The following CC2D2B variants were observed in gnomAD, a reference collection of about 807,000 sequenced individuals.
CC2D2B encodes the protein protein CC2D2B.
In CC2D2B, 128 loss-of-function variants were observed where a neutral mutation model predicts 161.2. That is an observed-to-expected ratio of 0.79 (90% CI 0.69 to 0.92). CC2D2B has a LOEUF of 0.92. Among genes scored for constraint, CC2D2B ranks in the 40% least tolerant of loss-of-function variants. The pLI is 0.00. For missense variants in CC2D2B, 1,173 were observed against 1,375.1 expected, an observed-to-expected ratio of 0.85 and a Z score of 2.32; for synonymous variants, 391 against 449.8, an observed-to-expected ratio of 0.87 and a Z score of 1.65.
At chr10:95,946,880 A>G (rs2141319146) in intron 9 of CC2D2B, among the ~76,000 whole-genome samples, 1 of 151,630 alleles carries the variant, frequency 6.6e-6, no homozygotes, top group East Asian at 1.9e-4. Context: ...ATTACACCAG[A>G]CTGATCCAGA....
At position 95,995,289 on chromosome 10, in the gene CC2D2B, G is replaced by A; in HGVS notation, c.2663G>A (p.Cys888Tyr). The A allele has an allele frequency of 1.3e-6, 2 of 1,528,030 alleles. No individual in the cohort carries two copies. Among genetic ancestry groups the A allele is most frequent in the Non-Finnish European group, 1.8e-6 (2 of 1,142,684 alleles). The allele number at this position is 1,528,030 out of a possible 1,614,324, so 94.7% of individuals were successfully genotyped here. A position where few individuals can be genotyped will look rare whatever the true frequency, so the allele number is the denominator to read the frequency against. ...TINGSLDMPT[C>Y]LKSSISCLRH... ...TGAAGATCCTTGGATATGCCTACTT[G>A]TTTGAAATCATCTATATCTTGCCTC... Residue 888 changes from cysteine (C) to tyrosine (Y), a missense_variant, in exon 23 of 35, where the codon TGT becomes TAT. Cys to Tyr is a radical substitution (Grantham distance 194). Transcript: ENST00000646931.
At chr10:95,934,583 C>T (rs1369364901) in intron 6 of CC2D2B, among the ~76,000 whole-genome samples, 1 of 152,196 alleles carries the variant, frequency 6.6e-6, no homozygotes, top group Non-Finnish European at 1.5e-5. Context: ...GTTGAGAAGA[C>T]CATGGGAAAA....
At chr10:95,927,193 C>A in intron 5 of CC2D2B, 44 bp from the exon 6 acceptor site, 2 of 1,078,858 alleles carry the variant, frequency 1.9e-6, no homozygotes, top group Non-Finnish European at 2.8e-6. Flanking sequence ...TACTTATAAG[C>A]AGAAAAAGTG....
intron 17 of CC2D2B, among the ~76,000 whole-genome samples, chr10:95,976,845 T>A (rs1478322734): frequency 6.6e-6 from 1 of 152,132 alleles, no homozygotes; most frequent in African/African-American, 2.4e-5. Flanking sequence ...GCCTCCCTGG[T>A]TCAAGCAGTT....
intron 30 of CC2D2B, among the ~76,000 whole-genome samples, chr10:96,016,775 C>T (rs948576401): frequency 8.5e-5 from 13 of 152,162 alleles, no homozygotes; most frequent in African/African-American, 3.1e-4. Flanking sequence ...GGCTGGAGGG[C>T]AATAGCGTGA....
intron 3 of CC2D2B, among the ~76,000 whole-genome samples, chr10:95,922,337 A>T (rs1257185490): frequency 6.6e-6 from 1 of 152,214 alleles, no homozygotes; most frequent in Non-Finnish European, 1.5e-5. Flanking sequence ...TTTAGACCAC[A>T]AAGATACATA....
chr10:95,960,742 G>A (rs1231492777), intron 11 of CC2D2B, among the ~76,000 whole-genome samples: 2 of 152,064 alleles, frequency 1.3e-5, no homozygotes, highest in Non-Finnish European at 2.9e-5. Context: ...TCAACTTCTG[G>A]GGTCAAGTGA....
intron 16 of CC2D2B, among the ~76,000 whole-genome samples, chr10:95,973,067 C>T (rs1278794138): frequency 6.6e-6 from 1 of 151,776 alleles, no homozygotes; most frequent in African/African-American, 2.4e-5. Context: ...TCCTTTCTTT[C>T]ACCTTCCTAG....
At position 95,924,803 on chromosome 10, in the gene CC2D2B, A is replaced by G. The variant is rs1299959528; in HGVS notation, c.199A>G (p.Thr67Ala). The G allele has an allele frequency of 8.4e-6, 13 of 1,546,074 alleles. No individual in the cohort carries two copies. In the East Asian group the frequency reaches 1.2e-4, roughly 15 times the overall value. The change falls in exon 5 of 35, where the codon ACT becomes GCT. Residue 67 changes from threonine to alanine, a missense_variant. This residue lies in a region of CC2D2B where 298 missense variants were observed against 261.2 expected (regional missense o/e 1.14). Coordinates refer to ENST00000646931, the MANE Select transcript of CC2D2B (RefSeq NM_001349008.3). ...GATTAATAAAGGTGAAAAATCTTCAACTGAGCAGCTCATTGATAGCGAAAT... is the reference window on the plus strand; with the variant it reads ...GATTAATAAAGGTGAAAAATCTTCAGCTGAGCAGCTCATTGATAGCGAAAT... Reference protein sequence around the residue: ...SKINKGEKSSTEQLIDSEIHQ... With the variant: ...SKINKGEKSSAEQLIDSEIHQ...
chr10:95,915,550 T>C (rs1350721486), intron 2 of CC2D2B, among the ~76,000 whole-genome samples: 1 of 152,216 alleles, frequency 6.6e-6, no homozygotes, highest in East Asian at 1.9e-4. Flanking sequence ...CTGTCACATA[T>C]GGCTTTTAGT....
rs1455019078 is a variant in CC2D2B, at chr10:96,031,748, C to G, written c.4126-72C>G. 20 of 1,313,272 alleles carry G rather than the reference C, an allele frequency of 1.5e-5. No homozygotes were observed. In the East Asian group the frequency reaches 4.2e-4, roughly 27 times the overall value. 81.4% of individuals were successfully genotyped at this position (1,313,272 alleles called of 1,614,324 possible). On this transcript the variant is annotated intron_variant, in intron 34 of 34. Transcript: ENST00000646931. ...ACTATTTCTTTGAGGCTTTTGTGATCTTTTTGCATACAGTAATTCCAGATT... is the reference window on the plus strand; with the variant it reads ...ACTATTTCTTTGAGGCTTTTGTGATGTTTTTGCATACAGTAATTCCAGATT...
intron 2 of CC2D2B, among the ~76,000 whole-genome samples, chr10:95,917,494 T>C (rs754145091): frequency 6.6e-6 from 1 of 152,176 alleles, no homozygotes; most frequent in Middle Eastern, 3.2e-3. Flanking sequence ...TCTTCTGTTT[T>C]TGGTGAAAGC....
At chr10:95,910,297 C>T (rs1419897636) in intron 1 of CC2D2B, among the ~76,000 whole-genome samples, 1 of 152,150 alleles carries the variant, frequency 6.6e-6, no homozygotes, top group African/African-American at 2.4e-5. Flanking sequence ...TAGAAGAATA[C>T]TGGGTAATTT....
Position 96,029,270 on chromosome 10 carries a change from A to G in CC2D2B, c.4125+1881A>G, listed in dbSNP as rs867465615. Among the ~76,000 whole-genome samples, 305 of 65,342 alleles carry G rather than the reference A, an allele frequency of 4.7e-3. 2 individuals are homozygous for G. The highest frequency in any genetic ancestry group is 0.011 in the African/African-American group (168 of 15,032). The allele number at this position is 65,342 out of a possible 152,430, so 42.9% of individuals were successfully genotyped here. A position where few individuals can be genotyped will look rare whatever the true frequency, so the allele number is the denominator to read the frequency against. ...TATATATATATATATATATATATAT[A>G]TATATATATATATATGTATATATAT... On this transcript the variant is annotated intron_variant, in intron 34 of 34. Coordinates refer to ENST00000646931, the MANE Select transcript of CC2D2B (RefSeq NM_001349008.3).
chr10:95,995,466 C>T, intron 23 of CC2D2B, 101 bp downstream of exon 23: 1 of 614,110 alleles, frequency 1.6e-6, no homozygotes, highest in Non-Finnish European at 2.6e-6. Context: ...TCTTTGGCTT[C>T]CAGTTTATTT....
At chr10:96,013,476 A>T (rs753147151) in intron 28 of CC2D2B, among the ~76,000 whole-genome samples, 5 of 145,540 alleles carry the variant, frequency 3.4e-5, no homozygotes, top group African/African-American at 7.6e-5. Flanking sequence ...TGTAATATTT[A>T]AAATTTTAGT....
At chr10:96,012,765 T>C in intron 28 of CC2D2B, 36 bp downstream of exon 28, 1 of 1,260,980 alleles carries the variant, frequency 7.9e-7, no homozygotes, top group South Asian at 1.2e-5. Context: ...TTCATTGTGA[T>C]TAAAGGGCAT....
At position 96,010,442 on chromosome 10, in the gene CC2D2B, G is replaced by A. The variant is rs181179174; in HGVS notation, c.3045+519G>A. Among the ~76,000 whole-genome samples, 34 of 152,294 alleles carry A rather than the reference G, an allele frequency of 2.2e-4. No homozygotes were observed. In the South Asian group the frequency reaches 5.4e-3, roughly 24 times the overall value. On this transcript the variant is annotated intron_variant, in intron 26 of 34. Coordinates refer to ENST00000646931, the MANE Select transcript of CC2D2B (RefSeq NM_001349008.3). The stretch of plus-strand genomic sequence containing the variant: ...CTAAGTGATGATAGGCAAGGCACTT[G>A]ACATCTCGACGCCATGCCAGACACT...
chr10:95,950,561 A>T (rs1487688219), intron 10 of CC2D2B: 1 of 152,258 alleles, frequency 6.6e-6, no homozygotes, highest in Admixed American at 6.5e-5. Context: ...CCCACTGATT[A>T]CTTTTATAAA....
Sources: gnomAD v4.1 joint callset for allele counts (sites outside exome capture counted in the v4.1 genomes callset) on GRCh38, gnomAD v4.1.1 for gene constraint, gnomAD v4.1.1 regional missense constraint, MANE v1.5 for transcripts, NCBI Gene and HGNC (gene_info 2026-07-23, HGNC 2026-07-21) for gene names.